Variants in ADGRE3 observed in about 807,000 individuals in gnomAD.
ADGRE3 encodes the protein adhesion G protein-coupled receptor E3.
Under a neutral mutation model 80.1 loss-of-function variants are expected in ADGRE3, and 88 were observed. The ratio of observed to expected loss-of-function variants is 1.10; its 90% confidence interval spans 0.93 to 1.31. ADGRE3 has a LOEUF of 1.31. Ranked by LOEUF, ADGRE3 falls within the 40% of genes most tolerant of loss-of-function variation. ADGRE3 has a pLI of 0.00. For missense variants in ADGRE3, 715 were observed against 776.5 expected, an observed-to-expected ratio of 0.92 and a Z score of 0.94; for synonymous variants, 281 against 294.8, an observed-to-expected ratio of 0.95 and a Z score of 0.48.
intron 11 of ADGRE3, among the ~76,000 whole-genome samples, chr19:14,634,950 A>C (rs913394867): frequency 2.0e-5 from 3 of 151,964 alleles, no homozygotes; most frequent in Non-Finnish European, 4.4e-5. Context: ...GACCACTATA[A>C]CTCTGACTGG....
intron 14 of ADGRE3, among the ~76,000 whole-genome samples, chr19:14,626,034 C>T (rs375079056): frequency 5.9e-5 from 9 of 151,864 alleles, no homozygotes; most frequent in African/African-American, 1.7e-4. Flanking sequence ...CACCACATTG[C>T]GAATGTGATG....
intron 7 of ADGRE3, among the ~76,000 whole-genome samples, chr19:14,650,670 TCTCTCTCTCTCTCC>T (rs1971578836): frequency 1.1e-5 from 1 of 88,520 alleles, no homozygotes; most frequent in Non-Finnish European, 2.2e-5. Flanking sequence ...TCTCTCTCTC[TCTCTCTCTCTCTCC>T]CCTCTTCCCA....
chr19:14,647,477 C>T (rs191448169), intron 7 of ADGRE3, 112 bp from the exon 8 acceptor site: 11 of 839,852 alleles, frequency 1.3e-5, no homozygotes, highest in African/African-American at 1.1e-4. Flanking sequence ...AGTGCAGTGG[C>T]GTGATCTTGG....
the ADGRE3 span, among the ~76,000 whole-genome samples, chr19:14,604,576 A>G: frequency 2.0e-5 from 3 of 152,098 alleles, no homozygotes; most frequent in Non-Finnish European, 2.9e-5. Flanking sequence ...CAGCCTGGCC[A>G]ACATGGTGAA....
At chr19:14,659,312 G>A (rs546583750) in intron 4 of ADGRE3, among the ~76,000 whole-genome samples, 62 of 152,178 alleles carry the variant, frequency 4.1e-4, no homozygotes, top group African/African-American at 1.5e-3. Context: ...TAAAATGCAA[G>A]GATTACAGGC....
At chr19:14,600,587 CTT>C in the ADGRE3 span, among the ~76,000 whole-genome samples, 5 of 145,296 alleles carry the variant, frequency 3.4e-5, no homozygotes, top group Admixed American at 6.9e-5. Context: ...CTTTTCTTTT[CTT>C]TTTTTTTTTT....
At chr19:14,632,132 T>C (rs948207963) in intron 13 of ADGRE3, among the ~76,000 whole-genome samples, 2 of 152,198 alleles carry the variant, frequency 1.3e-5, no homozygotes, top group Non-Finnish European at 2.9e-5. Flanking sequence ...TAAATTGGTA[T>C]ATGTACAGAG....
chr19:14,674,581 G>A (rs1214537193), intron 1 of ADGRE3, among the ~76,000 whole-genome samples, 165 bp downstream of exon 1: 2 of 152,072 alleles, frequency 1.3e-5, no homozygotes, highest in African/African-American at 4.8e-5. Context: ...ATATTCGAGA[G>A]CATACTTTGA....
Position 14,647,368 on chromosome 19 carries a change from G to A in ADGRE3, c.698-3C>T, listed in dbSNP as rs552938284. On this transcript the variant is annotated splice_polypyrimidine_tract_variant and splice_region_variant and intron_variant, in intron 7 of 15. Coordinates refer to ENST00000253673, the MANE Select transcript of ADGRE3 (RefSeq NM_032571.5). Reference sequence around the variant, plus strand: ...GATAAAGGCAATGGCACTGGGACCTGAGGAAACAGAAAGATGGAATCTTTT... The same window carrying A: ...GATAAAGGCAATGGCACTGGGACCTAAGGAAACAGAAAGATGGAATCTTTT... 2 of 1,554,428 alleles carry A rather than the reference G, an allele frequency of 1.3e-6. No individual in the cohort carries two copies. Among genetic ancestry groups the A allele is most frequent in the African/African-American group, 2.8e-5 (2 of 72,212 alleles).
intron 1 of ADGRE3, among the ~76,000 whole-genome samples, chr19:14,669,220 AC>A: frequency 1.3e-5 from 2 of 152,346 alleles, no homozygotes; most frequent in Middle Eastern, 3.4e-3. Flanking sequence ...ACCATGGAAT[AC>A]TATGCAGCCA....
At chr19:14,624,345 C>T (rs999080382) in intron 15 of ADGRE3, among the ~76,000 whole-genome samples, 17 of 152,268 alleles carry the variant, frequency 1.1e-4, no homozygotes, top group South Asian at 4.1e-4. Flanking sequence ...CTGCCCACCT[C>T]GGCCTCCCAA....
chr19:14,609,408 A>G, the ADGRE3 span, among the ~76,000 whole-genome samples: 3 of 152,034 alleles, frequency 2.0e-5, no homozygotes, highest in Non-Finnish European at 4.4e-5. Flanking sequence ...AATAAATCCT[A>G]CACACTCGAG....
intron 4 of ADGRE3, among the ~76,000 whole-genome samples, chr19:14,658,976 G>A (rs1008359414): frequency 2.0e-5 from 3 of 149,500 alleles, no homozygotes; most frequent in African/African-American, 4.9e-5. Flanking sequence ...CTCATGATCC[G>A]CCTGCCTCGG....
Position 14,668,857 on chromosome 19 carries a change from A to C in ADGRE3, c.26-5T>G. ...GGCTCAGCAGAAAGCAGAGGCCTGGAATAGATGGGAAACAGAAGGGAGAGA... is the reference window on the plus strand; with the variant it reads ...GGCTCAGCAGAAAGCAGAGGCCTGGCATAGATGGGAAACAGAAGGGAGAGA... On this transcript the variant is annotated splice_region_variant and splice_polypyrimidine_tract_variant and intron_variant, in intron 1 of 15. Coordinates refer to ENST00000253673, the MANE Select transcript of ADGRE3 (RefSeq NM_032571.5). 3 of 1,613,986 alleles carry C rather than the reference A, an allele frequency of 1.9e-6. No individual in the cohort carries two copies. Among genetic ancestry groups the C allele is most frequent in the Non-Finnish European group, 2.5e-6 (3 of 1,179,898 alleles).
chr19:14,668,767 T>G, intron 2 of ADGRE3, 35 bp downstream of exon 2: 1 of 1,601,400 alleles, frequency 6.2e-7, no homozygotes, highest in African/African-American at 1.3e-5. Context: ...CAGCCCTTGG[T>G]CCACAAGTTC....
intron 5 of ADGRE3, among the ~76,000 whole-genome samples, chr19:14,655,451 G>A (rs969728587): frequency 6.6e-6 from 1 of 151,868 alleles, no homozygotes; most frequent in Non-Finnish European, 1.5e-5. Context: ...GCTATGTAAG[G>A]GTGAGTCACT....
downstream of ADGRE3, among the ~76,000 whole-genome samples, chr19:14,618,165 T>C (rs1201040934): frequency 6.6e-6 from 1 of 152,200 alleles, no homozygotes; most frequent in Non-Finnish European, 1.5e-5. Flanking sequence ...CAGGATGTTT[T>C]GAAATATATC....
intron 10 of ADGRE3, among the ~76,000 whole-genome samples, chr19:14,638,770 A>G (rs1971170181): frequency 6.6e-6 from 1 of 151,992 alleles, no homozygotes; most frequent in African/African-American, 2.4e-5. Context: ...ACTTTGAGCT[A>G]TGTCTCCTTT....
rs1568481159 is a variant in ADGRE3 at position 14,636,084 on chromosome 19, T to TTCTTTCTTTCTTTC, written c.1484+2007_1484+2020dup. Among the ~76,000 whole-genome samples, 74 of 19,212 alleles carry TTCTTTCTTTCTTTC rather than the reference T, an allele frequency of 3.9e-3. 3 individuals are homozygous for TTCTTTCTTTCTTTC. The highest frequency in any genetic ancestry group is 0.011 in the African/African-American group (69 of 6,256). The allele number at this position is 19,212 out of a possible 152,430, so 12.6% of individuals were successfully genotyped here. On this transcript the variant is annotated intron_variant, in intron 11 of 15. Coordinates refer to ENST00000253673, the MANE Select transcript of ADGRE3 (RefSeq NM_032571.5). ...TCCTTTCCTTTCCTTTCCTTTCCCT[T>TTCTTTCTTTCTTTC]TCTTTCTTTCTTTCTTTCTTTCTTT...
Sources: allele counts gnomAD v4.1 joint callset (sites outside exome capture counted in the v4.1 genomes callset), GRCh38; gene constraint gnomAD v4.1.1; transcripts MANE v1.5; gene names NCBI Gene and HGNC (gene_info 2026-07-23, HGNC 2026-07-21).